AGPAT4: variants seen among roughly 807,000 people sequenced by gnomAD.
The protein encoded by AGPAT4 is 1-acyl-sn-glycerol-3-phosphate acyltransferase delta.
AGPAT4 carries 15 observed loss-of-function variants against 48.0 expected under a neutral mutation model. The ratio of observed to expected loss-of-function variants is 0.31; its 90% confidence interval spans 0.21 to 0.48. The LOEUF (loss-of-function observed/expected upper bound fraction) is 0.48, where lower values mean the gene tolerates loss of function less well. Ranked by LOEUF, AGPAT4 falls within the 20% of genes least tolerant of loss-of-function variation. AGPAT4 has a pLI of 0.99. For synonymous variants in AGPAT4, 178 were observed against 198.7 expected (o/e 0.90, Z 0.88); for missense variants, 314 against 482.5 (o/e 0.65, Z 3.27).
At chr6:161,239,889 T>C (rs1782432221) in intron 1 of AGPAT4, among the ~76,000 whole-genome samples, 1 of 152,172 alleles carries the variant, frequency 6.6e-6, no homozygotes, top group African/African-American at 2.4e-5. Context: ...CACTTAATAG[T>C]AAACCAATTT....
At position 161,143,693 on chromosome 6, in the gene AGPAT4, C is replaced by A. The variant is rs1779328748; in HGVS notation, c.843+2831G>T. On this transcript the variant is annotated intron_variant, in intron 7 of 8. Coordinates refer to ENST00000320285, the MANE Select transcript of AGPAT4 (RefSeq NM_020133.3). The surrounding 1 kb of genome is among the most constrained non-coding windows in gnomAD (Gnocchi z 4.7). ...CCCAAATGCTGACGAGCAAGAAATA[C>A]TGTGCATTTTTCATAAAGCTAAACT... Among the ~76,000 whole-genome samples, 1 of 152,228 alleles carries A rather than the reference C, an allele frequency of 6.6e-6. No homozygotes were observed. Among genetic ancestry groups the A allele is most frequent in the Non-Finnish European group, 1.5e-5 (1 of 68,046 alleles).
In AGPAT4 at chr6:161,161,833, C is replaced by A. The variant is rs1277831880; in HGVS notation, c.348+4415G>T. The A allele has an allele frequency of 3.6e-6, 1 of 278,924 alleles. No individual in the cohort carries two copies. Among genetic ancestry groups the A allele is most frequent in the African/African-American group, 2.2e-5 (1 of 45,974 alleles). 17.3% of individuals were successfully genotyped at this position (278,924 alleles called of 1,614,324 possible). A position where few individuals can be genotyped will look rare whatever the true frequency, so the allele number is the denominator to read the frequency against. ...GCTATCGTTGTCATGATCGAAAATCCTTCGTTTAAAGAGGCAGCACAGGGC... is the reference window on the plus strand; with the variant it reads ...GCTATCGTTGTCATGATCGAAAATCATTCGTTTAAAGAGGCAGCACAGGGC... On this transcript the variant is annotated intron_variant, in intron 3 of 8. Transcript: ENST00000320285. The surrounding 1 kb of genome is among the most constrained non-coding windows in gnomAD (Gnocchi z 4.6).
In AGPAT4 at chr6:161,196,267, T is replaced by C. The variant is rs1393359774; in HGVS notation, c.179-29850A>G. Among the ~76,000 whole-genome samples, 1 of 151,980 alleles carries C rather than the reference T, an allele frequency of 6.6e-6. No individual in the cohort carries two copies. The highest frequency in any genetic ancestry group is 2.4e-5 in the African/African-American group (1 of 41,356). On this transcript the variant is annotated intron_variant, in intron 2 of 8. Transcript: ENST00000320285. This position sits in a 1 kb window ranked among gnomAD's most constrained non-coding sequence, Gnocchi z 4.3. ...GCCAGGAACTGGAGAGGCTAGGGGC[T>C]GGAGGGAAATCTGCAGAAAAGGTGT...
In AGPAT4 at chr6:161,143,867, C is replaced by T. The variant is rs1208429300; in HGVS notation, c.843+2657G>A. 1.0e-5 allele frequency: 3 copies of T among 301,304 alleles called. No homozygotes were observed. The highest frequency in any genetic ancestry group is 2.0e-5 in the Non-Finnish European group (3 of 153,056). 18.7% of individuals were successfully genotyped at this position (301,304 alleles called of 1,614,324 possible). On this transcript the variant is annotated intron_variant, in intron 7 of 8. Transcript: ENST00000320285. The surrounding 1 kb of genome is among the most constrained non-coding windows in gnomAD (Gnocchi z 4.7). The stretch of plus-strand genomic sequence containing the variant: ...ATGTTGGCACACCTCTGTTGGCTGC[C>T]TGCCATTCCCCTCCCATTTTGCAGA...
At position 161,225,148 on chromosome 6, in the gene AGPAT4, G is replaced by A. The variant is rs538168831; in HGVS notation, c.178+6888C>T. On this transcript the variant is annotated intron_variant, in intron 2 of 8. Coordinates refer to ENST00000320285, the MANE Select transcript of AGPAT4 (RefSeq NM_020133.3). This position sits in a 1 kb window ranked among gnomAD's most constrained non-coding sequence, Gnocchi z 5.0. ...TACCTGCTCCACCCTGACTCCTTCC[G>A]ATGACCTGCTCCACCCTGACTCATT... Among the ~76,000 whole-genome samples, 16 of 151,764 alleles carry A rather than the reference G, an allele frequency of 1.1e-4. No individual in the cohort carries two copies. The highest frequency in any genetic ancestry group is 2.1e-4 in the South Asian group (1 of 4,772).
At chr6:161,260,024 C>T (rs1241199326) in intron 1 of AGPAT4, among the ~76,000 whole-genome samples, 9 of 152,198 alleles carry the variant, frequency 5.9e-5, no homozygotes, top group Admixed American at 2.0e-4. Flanking sequence ...AAGTGAACTG[C>T]GTGCCACTAT....
Position 161,209,214 on chromosome 6 carries a change from C to T in AGPAT4, c.178+22822G>A, listed in dbSNP as rs1057222416. Among the ~76,000 whole-genome samples, 4 of 152,258 alleles carry T rather than the reference C, an allele frequency of 2.6e-5. No homozygotes were observed. In the South Asian group the frequency reaches 8.3e-4, roughly 32 times the overall value. ...CTCTGGAGAAGAGCTGAGCAGAAAG[C>T]CACAATGAGGAATCCCAAAGGCTTG... On this transcript the variant is annotated intron_variant, in intron 2 of 8. Coordinates refer to ENST00000320285, the MANE Select transcript of AGPAT4 (RefSeq NM_020133.3).
intron 2 of AGPAT4, among the ~76,000 whole-genome samples, chr6:161,168,028 A>T (rs937246554): frequency 1.3e-5 from 2 of 151,686 alleles, no homozygotes; most frequent in African/African-American, 4.8e-5. Flanking sequence ...GCTCCCATTC[A>T]GTTGTCCCAC....
rs775106265 is a variant in AGPAT4, at chr6:161,139,994, G to C, written c.844-374C>G. On this transcript the variant is annotated intron_variant, in intron 7 of 8. Transcript: ENST00000320285. The surrounding 1 kb of genome is among the most constrained non-coding windows in gnomAD (Gnocchi z 9.1). ...GGGGCAGCAGTGCCTTCCACGATAG[G>C]TCGGCGGGAGAATGGAGTGGATGCT... 6.6e-6 allele frequency among the ~76,000 whole-genome samples: 1 copy of C among 152,226 alleles called. No individual in the cohort carries two copies. The highest frequency in any genetic ancestry group is 1.5e-5 in the Non-Finnish European group (1 of 68,044).
chr6:161,170,733 C>T (rs553349564), intron 2 of AGPAT4, among the ~76,000 whole-genome samples: 2 of 152,306 alleles, frequency 1.3e-5, no homozygotes, highest in East Asian at 3.9e-4. Flanking sequence ...GCTGAAGAGC[C>T]CTACAGGAGC....
At chr6:161,187,673 T>C (rs1312462770) in intron 2 of AGPAT4, among the ~76,000 whole-genome samples, 1 of 152,050 alleles carries the variant, frequency 6.6e-6, no homozygotes, top group Non-Finnish European at 1.5e-5. Context: ...CCCAAGTAGC[T>C]GGGATTACAG....
chr6:161,263,008 C>T (rs1270112337), intron 1 of AGPAT4, among the ~76,000 whole-genome samples: 3 of 152,048 alleles, frequency 2.0e-5, no homozygotes, highest in African/African-American at 7.2e-5. Flanking sequence ...TGACCAGAGG[C>T]AGAAGAGACA....
intron 1 of AGPAT4, among the ~76,000 whole-genome samples, chr6:161,268,558 T>C (rs1783332233): frequency 6.6e-6 from 1 of 152,118 alleles, no homozygotes. Flanking sequence ...AAAATGCACC[T>C]CTCGTCTTGG....
intron 2 of AGPAT4, among the ~76,000 whole-genome samples, chr6:161,193,788 G>A (rs1780989509): frequency 6.6e-6 from 1 of 152,178 alleles, no homozygotes; most frequent in African/African-American, 2.4e-5. Context: ...CTGACTATCT[G>A]CACTATCTTC....
In AGPAT4 at chr6:161,154,293, G is replaced by C. The variant is rs1181905000; in HGVS notation, c.366C>G (p.Ala122=). ...FGLLGGSKVL[A]KKELAYVPII... ...TTGGGACATAGGCCAGCTCTTTCTT[G>C]GCCAGGACCTTGGAGCCCTGAAACA... Residue 122 remains alanine (A), a synonymous_variant, in exon 4 of 9, where the codon GCC becomes GCG. Coordinates refer to ENST00000320285, the MANE Select transcript of AGPAT4 (RefSeq NM_020133.3). The surrounding 1 kb of genome is among the most constrained non-coding windows in gnomAD (Gnocchi z 7.8). The C allele has an allele frequency of 6.2e-7, 1 of 1,614,050 alleles. No individual in the cohort carries two copies. Among genetic ancestry groups the C allele is most frequent in the Admixed American group, 1.7e-5 (1 of 60,010 alleles).
At position 161,251,123 on chromosome 6, in the gene AGPAT4, T is replaced by A. The variant is rs528224143; in HGVS notation, c.-89-18821A>T. On this transcript the variant is annotated intron_variant, in intron 1 of 8. Coordinates refer to ENST00000320285, the MANE Select transcript of AGPAT4 (RefSeq NM_020133.3). This position sits in a 1 kb window ranked among gnomAD's most constrained non-coding sequence, Gnocchi z 4.6. ...GGCTTCCTTCTACGCTTATTTCTTATCCTGCAGAAAACTGATAAATGTTCA... is the reference window on the plus strand; with the variant it reads ...GGCTTCCTTCTACGCTTATTTCTTAACCTGCAGAAAACTGATAAATGTTCA... 6.6e-6 allele frequency among the ~76,000 whole-genome samples: 1 copy of A among 152,358 alleles called. No homozygotes were observed. Among genetic ancestry groups the A allele is most frequent in the East Asian group, 1.9e-4 (1 of 5,184 alleles).
chr6:161,261,689 T>C lies in AGPAT4; in HGVS notation c.-90+12249A>G, dbSNP rs1783106216. On this transcript the variant is annotated intron_variant, in intron 1 of 8. Coordinates refer to ENST00000320285, the MANE Select transcript of AGPAT4 (RefSeq NM_020133.3). The surrounding 1 kb of genome is among the most constrained non-coding windows in gnomAD (Gnocchi z 5.3). ...CATTTGACATGGGACAAGTCAGTAA[T>C]TGAGCTCTACCTCTTTTCTAGGAAT... 6.6e-6 allele frequency among the ~76,000 whole-genome samples: 1 copy of C among 152,246 alleles called. No individual in the cohort carries two copies. The highest frequency in any genetic ancestry group is 1.5e-5 in the Non-Finnish European group (1 of 68,048).
Position 161,134,962 on chromosome 6 carries a change from CCT to C in AGPAT4, c.*1576_*1577del, listed in dbSNP as rs1326606165. The C allele has an allele frequency of 6.6e-6, 1 of 151,756 alleles. No individual in the cohort carries two copies. The highest frequency in any genetic ancestry group is 1.9e-4 in the East Asian group (1 of 5,132). 9.4% of individuals were successfully genotyped at this position (151,756 alleles called of 1,614,324 possible). On this transcript the variant is annotated 3_prime_UTR_variant, in exon 9 of 9. Coordinates refer to ENST00000320285, the MANE Select transcript of AGPAT4 (RefSeq NM_020133.3). ...CCCACAAGTCAGCCAGGATTTTTTC[CCT>C]TTTTCACTTCTGTGGATTCAAATAA...
chr6:161,152,378 G>T (rs1414195379), intron 5 of AGPAT4, among the ~76,000 whole-genome samples: 1 of 152,160 alleles, frequency 6.6e-6, no homozygotes, highest in Non-Finnish European at 1.5e-5. Flanking sequence ...GCCCGGGTGT[G>T]CAGCAGGGTG....
Sources: allele counts gnomAD v4.1 joint callset (sites outside exome capture counted in the v4.1 genomes callset), GRCh38; gene constraint gnomAD v4.1.1; non-coding constraint Gnocchi (gnomAD v3.1); transcripts MANE v1.5; gene names NCBI Gene and HGNC (gene_info 2026-07-23, HGNC 2026-07-21).